The following SORCS1 variants were observed in gnomAD, a reference collection of about 807,000 sequenced individuals.
The protein encoded by SORCS1 is VPS10 domain-containing receptor SorCS1.
A neutral mutation model predicts 146.1 loss-of-function variants in SORCS1; 60 were observed. That is an observed-to-expected ratio of 0.41 (90% CI 0.33 to 0.51). SORCS1 has a LOEUF of 0.51. Ranked by LOEUF, SORCS1 falls within the 20% of genes least tolerant of loss-of-function variation. SORCS1 has a pLI of 0.21. For missense variants in SORCS1, 1,352 were observed against 1,487.6 expected, an observed-to-expected ratio of 0.91 and a Z score of 1.50; for synonymous variants, 637 against 584.0, an observed-to-expected ratio of 1.09 and a Z score of -1.31.
chr10:107,022,396 A>G (rs1958189908), intron 1 of SORCS1, among the ~76,000 whole-genome samples: 1 of 152,178 alleles, frequency 6.6e-6, no homozygotes, highest in African/African-American at 2.4e-5. Flanking sequence ...CAAGTGAAAG[A>G]TTATTTAGCA....
At chr10:107,053,888 C>T (rs534543492) in intron 1 of SORCS1, among the ~76,000 whole-genome samples, 9 of 152,244 alleles carry the variant, frequency 5.9e-5, no homozygotes, top group Non-Finnish European at 2.9e-5. Context: ...AAACAGCACT[C>T]GTTTCTATAC....
intron 22 of SORCS1, 32 bp from the exon 23 acceptor site, chr10:106,607,329 G>A (rs779292091): frequency 6.2e-7 from 1 of 1,611,946 alleles, no homozygotes; most frequent in South Asian, 1.1e-5. Context: ...TCACATTAGT[G>A]CTGCAGAGAA....
rs1350937079 is a variant in SORCS1 at position 107,164,432 on chromosome 10, C to T, written c.95G>A (p.Cys32Tyr). 9 of 1,409,842 alleles carry T rather than the reference C, an allele frequency of 6.4e-6. No homozygotes were observed. The South Asian group carries it at 1.3e-4, about 20-fold the overall frequency. 87.3% of individuals were successfully genotyped at this position (1,409,842 alleles called of 1,614,324 possible). Reference sequence around the variant, plus strand: ...CGAGGGGCAGCAGGAGCCGCCGCCGCAGACGCCCGGGGCGCAGAGGATCAA... The same window carrying T: ...CGAGGGGCAGCAGGAGCCGCCGCCGTAGACGCCCGGGGCGCAGAGGATCAA... ...GLLILCAPGV[C>Y]GGGSCCPSPH... Residue 32 changes from cysteine to tyrosine, a missense_variant, in exon 1 of 26, where the codon TGC becomes TAC. By Grantham distance (194) the Cys-to-Tyr change is radical. This residue lies in a region of SORCS1 where 490 missense variants were observed against 489.1 expected (regional missense o/e 1.00). Transcript: ENST00000263054. The surrounding 1 kb of genome is among the most constrained non-coding windows in gnomAD (Gnocchi z 6.8).
At chr10:107,090,305 T>C (rs1432334046) in intron 1 of SORCS1, among the ~76,000 whole-genome samples, 5 of 151,910 alleles carry the variant, frequency 3.3e-5, no homozygotes, top group Non-Finnish European at 7.4e-5. Context: ...GAAAGGAAAA[T>C]GGAATGGGAC....
chr10:106,618,569 T>C (rs1328938769), intron 20 of SORCS1, among the ~76,000 whole-genome samples: 2 of 152,196 alleles, frequency 1.3e-5, no homozygotes, highest in Admixed American at 6.5e-5. Context: ...TGTCTCTCTT[T>C]ATGCATGACC....
At chr10:106,735,625 A>G (rs1211514942) in intron 5 of SORCS1, among the ~76,000 whole-genome samples, 1 of 152,208 alleles carries the variant, frequency 6.6e-6, no homozygotes, top group Non-Finnish European at 1.5e-5. Context: ...CCTAGCTCAA[A>G]GAAAGGATGA....
chr10:106,972,548 C>T (rs766549193), intron 1 of SORCS1, among the ~76,000 whole-genome samples: 42 of 148,918 alleles, frequency 2.8e-4, no homozygotes, highest in Non-Finnish European at 4.7e-4. Flanking sequence ...TTTTTTTGGC[C>T]GTAAAGTTTG....
At chr10:106,603,152 T>C (rs1846354391) in intron 23 of SORCS1, among the ~76,000 whole-genome samples, 1 of 152,032 alleles carries the variant, frequency 6.6e-6, no homozygotes. Flanking sequence ...AGCATGGCGG[T>C]CTTTCCTCCC....
chr10:107,159,004 A>AT (rs543377603), intron 1 of SORCS1, among the ~76,000 whole-genome samples: 390 of 83,242 alleles, frequency 4.7e-3, no homozygotes, highest in South Asian at 0.021. Flanking sequence ...CACATGAGGC[A>AT]TTTTTTTGGG....
chr10:106,663,099 A>T (rs1477504089), intron 17 of SORCS1, among the ~76,000 whole-genome samples: 2 of 152,338 alleles, frequency 1.3e-5, no homozygotes, highest in Non-Finnish European at 1.5e-5. Context: ...TAACTGCAGC[A>T]TTATTTATAG....
intron 2 of SORCS1, among the ~76,000 whole-genome samples, chr10:106,839,052 C>T (rs577432705): frequency 6.6e-6 from 1 of 152,274 alleles, no homozygotes; most frequent in South Asian, 2.1e-4. Context: ...CCCCTCAGGC[C>T]TCCCTCTTGC....
chr10:106,578,975 C>G, intron 25 of SORCS1: 4 of 1,452,758 alleles, frequency 2.8e-6, no homozygotes, highest in Non-Finnish European at 3.6e-6. Flanking sequence ...TTAGCTGTTT[C>G]TCTCAGGGGT....
At chr10:106,756,169 A>G (rs552721762) in intron 5 of SORCS1, among the ~76,000 whole-genome samples, 11 of 152,246 alleles carry the variant, frequency 7.2e-5, no homozygotes, top group Non-Finnish European at 1.0e-4. Flanking sequence ...TAAAGCTGCT[A>G]GTGTCCACTG....
At chr10:107,143,380 T>G (rs572580485) in intron 1 of SORCS1, among the ~76,000 whole-genome samples, 1 of 152,348 alleles carries the variant, frequency 6.6e-6, no homozygotes, top group African/African-American at 2.4e-5. Flanking sequence ...CAGGCTGGAC[T>G]GCAGTGGCAC....
intron 1 of SORCS1, among the ~76,000 whole-genome samples, chr10:106,983,064 T>G (rs1034025556): frequency 6.6e-6 from 1 of 150,816 alleles, no homozygotes; most frequent in Non-Finnish European, 1.5e-5. Context: ...AATATTTATT[T>G]TGGCATCAAT....
At chr10:106,843,629 A>T (rs543221746) in intron 2 of SORCS1, among the ~76,000 whole-genome samples, 1 of 151,594 alleles carries the variant, frequency 6.6e-6, no homozygotes, top group African/African-American at 2.4e-5. Flanking sequence ...TAGAGACGGG[A>T]TTTCACCGTG....
intron 2 of SORCS1, among the ~76,000 whole-genome samples, chr10:106,850,906 A>G (rs1949542526): frequency 6.6e-6 from 1 of 152,206 alleles, no homozygotes; most frequent in African/African-American, 2.4e-5. Flanking sequence ...ACCTATCAGT[A>G]AAACATCACT....
intron 3 of SORCS1, among the ~76,000 whole-genome samples, chr10:106,786,348 T>G (rs1388241787): frequency 6.6e-6 from 1 of 152,140 alleles, no homozygotes; most frequent in Non-Finnish European, 1.5e-5. Flanking sequence ...GCTCCTTCAT[T>G]CCTGTATCTG....
chr10:106,713,100 A>G (rs186162886), intron 6 of SORCS1, among the ~76,000 whole-genome samples: 365 of 152,310 alleles, frequency 2.4e-3, no homozygotes, highest in African/African-American at 8.0e-3. Flanking sequence ...CTGTGTCTCA[A>G]TGTGAATGGC....
Sources: allele counts gnomAD v4.1 joint callset (sites outside exome capture counted in the v4.1 genomes callset), GRCh38; gene constraint gnomAD v4.1.1; regional missense constraint gnomAD v4.1.1; non-coding constraint Gnocchi (gnomAD v3.1); transcripts MANE v1.5; gene names NCBI Gene and HGNC (gene_info 2026-07-23, HGNC 2026-07-21).